The following TMEM243 variants were observed in gnomAD, a reference collection of about 807,000 sequenced individuals.
TMEM243 encodes the protein transmembrane protein 243.
A neutral mutation model predicts 15.0 loss-of-function variants in TMEM243; 20 were observed. The ratio of observed to expected loss-of-function variants is 1.33; its 90% confidence interval spans 0.94 to 1.93. TMEM243 has a LOEUF of 1.93. Among genes scored for constraint, TMEM243 ranks in the 30% most tolerant of loss-of-function variants. The pLI, the probability that TMEM243 is intolerant of heterozygous loss-of-function variation, is 0.00. For missense variants in TMEM243, 156 were observed against 142.1 expected (o/e 1.10, Z -0.50); for synonymous variants, 72 against 52.7 (o/e 1.37, Z -1.59).
chr7:87,213,250 TAC>T (rs1314150291), intron 1 of TMEM243, among the ~76,000 whole-genome samples: 5 of 152,188 alleles, frequency 3.3e-5, no homozygotes, highest in Non-Finnish European at 7.3e-5. Context: ...ACCCAGAGAT[TAC>T]AGTCCACTGA....
intron 1 of TMEM243, among the ~76,000 whole-genome samples, chr7:87,202,575 C>G (rs1327411510): frequency 6.6e-6 from 1 of 152,210 alleles, no homozygotes; most frequent in African/African-American, 2.4e-5. Context: ...AGTGTTATCT[C>G]TATTTACCAA....
rs1052244454 is a variant in TMEM243, at chr7:87,219,693, C to G, written c.-190G>C. ...GGGAACGCGACTGCTCCGCCCCGGC[C>G]CCGCGCACCTCCTCATCTTGAGCAG... On this transcript the variant is annotated 5_prime_UTR_variant, in exon 1 of 4. Transcript: ENST00000257637. 28 of 596,502 alleles carry G rather than the reference C, an allele frequency of 4.7e-5. No individual in the cohort carries two copies. The African/African-American group carries it at 5.0e-4, about 11-fold the overall frequency. The allele number at this position is 596,502 out of a possible 1,614,324, so 37.0% of individuals were successfully genotyped here.
chr7:87,197,676 G>T lies in TMEM243; in HGVS notation c.234+265C>A, dbSNP rs566514906. ...TAAATTAAAATCTTTGGCCACCTAC[G>T]TCTTTCCACTAATTTTTTTTTTTTT... is the stretch of plus-strand genomic sequence containing the variant. On this transcript the variant is annotated intron_variant, in intron 3 of 3. Coordinates refer to ENST00000257637, the MANE Select transcript of TMEM243 (RefSeq NM_024315.4). 12 of 1,292,016 alleles carry T rather than the reference G, an allele frequency of 9.3e-6. No individual in the cohort carries two copies. In the South Asian group the frequency reaches 1.8e-4, roughly 20 times the overall value. 80.0% of individuals were successfully genotyped at this position (1,292,016 alleles called of 1,614,324 possible). A position where few individuals can be genotyped will look rare whatever the true frequency, so the allele number is the denominator to read the frequency against.
At chr7:87,199,796 TAAC>T (rs543632593) in intron 1 of TMEM243, among the ~76,000 whole-genome samples, 396 of 152,308 alleles carry the variant, frequency 2.6e-3, no homozygotes, top group African/African-American at 8.7e-3. Flanking sequence ...CTAAGAGTCA[TAAC>T]AAGTTAGAAG....
Position 87,219,545 on chromosome 7 carries a change from A to G in TMEM243, c.-42T>C. 1 of 1,581,324 alleles carries G rather than the reference A, an allele frequency of 6.3e-7. No homozygotes were observed. Among genetic ancestry groups the G allele is most frequent in the Non-Finnish European group, 8.7e-7 (1 of 1,150,920 alleles). On this transcript the variant is annotated 5_prime_UTR_variant, in exon 1 of 4. Coordinates refer to ENST00000257637, the MANE Select transcript of TMEM243 (RefSeq NM_024315.4). ...TTTCCCCAAGCCACTTAAAAGCAAG[A>G]CAGCATGACCTCCCGAGGTCTCAGG...
chr7:87,196,790 AT>A (rs1394791664), intron 3 of TMEM243, 32 bp from the exon 4 acceptor site: 3 of 1,436,538 alleles, frequency 2.1e-6, no homozygotes, highest in Non-Finnish European at 2.8e-6. Flanking sequence ...ATAAATTAAA[AT>A]TTGAAATATA....
intron 1 of TMEM243, among the ~76,000 whole-genome samples, chr7:87,211,531 A>G (rs1362468332): frequency 6.6e-6 from 1 of 152,246 alleles, no homozygotes; most frequent in Non-Finnish European, 1.5e-5. Flanking sequence ...TTTGATTCTC[A>G]GAAATGACTT....
At chr7:87,217,220 G>C (rs935905901) in intron 1 of TMEM243, among the ~76,000 whole-genome samples, 1 of 152,174 alleles carries the variant, frequency 6.6e-6, no homozygotes, top group Non-Finnish European at 1.5e-5. Flanking sequence ...ATTCTTTCTC[G>C]ATGTTCTCAG....
chr7:87,212,921 C>A (rs951863811), intron 1 of TMEM243, among the ~76,000 whole-genome samples: 3 of 152,176 alleles, frequency 2.0e-5, no homozygotes, highest in East Asian at 3.8e-4. Context: ...TCCCTCACAG[C>A]ACAAGGAGTA....
intron 1 of TMEM243, chr7:87,216,836 A>T (rs1297587733): frequency 6.6e-6 from 1 of 152,216 alleles, no homozygotes; most frequent in African/African-American, 2.4e-5. Flanking sequence ...AAAACTGCCT[A>T]ATTACTGACT....
intron 1 of TMEM243, among the ~76,000 whole-genome samples, chr7:87,201,164 A>G (rs1044219543): frequency 6.6e-6 from 1 of 152,232 alleles, no homozygotes; most frequent in African/African-American, 2.4e-5. Flanking sequence ...CGGACATGGC[A>G]GAAGTGTTTC....
chr7:87,218,054 G>A (rs1803234976), intron 1 of TMEM243, among the ~76,000 whole-genome samples: 3 of 152,246 alleles, frequency 2.0e-5, no homozygotes, highest in Admixed American at 2.0e-4. Flanking sequence ...GGGACAGATG[G>A]ACAAATTTCT....
Position 87,219,653 on chromosome 7 carries a change from G to T in TMEM243, c.-150C>A, listed in dbSNP as rs1803362522. Reference sequence around the variant, plus strand: ...GGAAGCGCTGGCGCCAGGGATGGGTGGGGGCTCACACGCGGGGAACGCGAC... The same window carrying T: ...GGAAGCGCTGGCGCCAGGGATGGGTTGGGGCTCACACGCGGGGAACGCGAC... On this transcript the variant is annotated 5_prime_UTR_variant, in exon 1 of 4. Coordinates refer to ENST00000257637, the MANE Select transcript of TMEM243 (RefSeq NM_024315.4). The T allele has an allele frequency of 4.5e-6, 3 of 669,146 alleles. No homozygotes were observed. Among genetic ancestry groups the T allele is most frequent in the Non-Finnish European group, 2.6e-6 (1 of 383,354 alleles). 41.5% of individuals were successfully genotyped at this position (669,146 alleles called of 1,614,324 possible).
At chr7:87,216,027 T>C (rs111303286) in intron 1 of TMEM243, among the ~76,000 whole-genome samples, 423 of 151,998 alleles carry the variant, frequency 2.8e-3, no homozygotes, top group African/African-American at 9.2e-3. Context: ...TCCCAGCACT[T>C]TGGGAGGCCG....
chr7:87,215,526 A>G (rs371575735), intron 1 of TMEM243, among the ~76,000 whole-genome samples: 36 of 152,340 alleles, frequency 2.4e-4, no homozygotes, highest in African/African-American at 7.7e-4. Flanking sequence ...TATGGCTACT[A>G]AGAAATGTAA....
intron 1 of TMEM243, among the ~76,000 whole-genome samples, chr7:87,211,497 G>C (rs73210233): frequency 0.027 from 4,042 of 152,244 alleles, 79 homozygotes; most frequent in East Asian, 0.065. Context: ...GCAAACTTAA[G>C]GGTCCCAATA....
chr7:87,210,552 A>G (rs1334642746), intron 1 of TMEM243, among the ~76,000 whole-genome samples: 1 of 152,246 alleles, frequency 6.6e-6, no homozygotes, highest in Non-Finnish European at 1.5e-5. Flanking sequence ...GCCAAAATGA[A>G]GGGGCTACAG....
At chr7:87,200,725 C>G (rs1189703365) in intron 1 of TMEM243, among the ~76,000 whole-genome samples, 3 of 152,148 alleles carry the variant, frequency 2.0e-5, no homozygotes, top group African/African-American at 4.8e-5. Context: ...GGTAGCAAAA[C>G]AGGCTCAGGG....
At chr7:87,197,182 A>G (rs939474025) in intron 3 of TMEM243, among the ~76,000 whole-genome samples, 3 of 152,122 alleles carry the variant, frequency 2.0e-5, no homozygotes, top group Non-Finnish European at 4.4e-5. Flanking sequence ...GCTTCAAGCT[A>G]GGGGAACAGG....
Sources: gnomAD v4.1 joint callset for allele counts (sites outside exome capture counted in the v4.1 genomes callset) on GRCh38, gnomAD v4.1.1 for gene constraint, MANE v1.5 for transcripts, NCBI Gene and HGNC (gene_info 2026-07-23, HGNC 2026-07-21) for gene names.